Variants in WDFY2 observed in about 807,000 individuals in gnomAD.
WDFY2 encodes WD repeat and FYVE domain containing 2.
In WDFY2, 36 loss-of-function variants were observed where a neutral mutation model predicts 56.4. The ratio of observed to expected loss-of-function variants is 0.64; its 90% CI spans 0.49 to 0.84. The LOEUF (loss-of-function observed/expected upper bound fraction) is 0.84, where lower values mean the gene tolerates loss of function less well. WDFY2 is among the 40% of genes least tolerant of loss of function. The pLI is 0.00. For synonymous variants in WDFY2, 176 were observed against 183.7 expected (o/e 0.96, Z 0.34); for missense variants, 444 against 512.2 (o/e 0.87, Z 1.29).
intron 3 of WDFY2, among the ~76,000 whole-genome samples, chr13:51,684,399 C>G (rs1378795002): frequency 6.6e-6 from 1 of 150,744 alleles, no homozygotes; most frequent in Non-Finnish European, 1.5e-5. Context: ...TTAGTAAACC[C>G]TGAGTTACCT....
chr13:51,740,606 C>T (rs1004269252), intron 7 of WDFY2, among the ~76,000 whole-genome samples: 1 of 151,176 alleles, frequency 6.6e-6, no homozygotes, highest in Non-Finnish European at 1.5e-5. Context: ...CCCAGCTACT[C>T]GGGAGGCTGA....
intron 1 of WDFY2, among the ~76,000 whole-genome samples, chr13:51,605,317 G>A (rs1399748928): frequency 6.6e-6 from 1 of 152,176 alleles, no homozygotes; most frequent in African/African-American, 2.4e-5. Context: ...CAGTTAGCAC[G>A]CAACACCCCA....
At chr13:51,592,737 AATT>A (rs1163107043) in intron 1 of WDFY2, among the ~76,000 whole-genome samples, 1 of 152,208 alleles carries the variant, frequency 6.6e-6, no homozygotes, top group Admixed American at 6.5e-5. Context: ...TTGGTTATTA[AATT>A]ATTATCTCTT....
chr13:51,654,352 G>T (rs9568647), intron 1 of WDFY2, among the ~76,000 whole-genome samples: 14,024 of 152,170 alleles, frequency 0.092, 954 homozygotes, highest in East Asian at 0.29. Context: ...TGTGCTTCCC[G>T]GGTGAGGTGA....
intron 1 of WDFY2, among the ~76,000 whole-genome samples, chr13:51,616,400 G>T (rs1954614547): frequency 6.6e-6 from 1 of 152,154 alleles, no homozygotes; most frequent in South Asian, 2.1e-4. Context: ...TATTGGAAAA[G>T]AAATGCTGTC....
chr13:51,647,386 G>A (rs1955282111), intron 1 of WDFY2, among the ~76,000 whole-genome samples: 1 of 152,182 alleles, frequency 6.6e-6, no homozygotes, highest in African/African-American at 2.4e-5. Flanking sequence ...ACTGAATAAT[G>A]TAGGCAACTG....
In WDFY2 at chr13:51,692,674, G is replaced by C. The variant is rs1951768574; in HGVS notation, c.280-10922G>C. ...AATTCTCTTTTTTGGTTGTATCTCT[G>C]CCTGGCTTTGGTATCAGGATGATGC... On this transcript the variant is annotated intron_variant, in intron 3 of 11. Transcript: ENST00000298125. Among the ~76,000 whole-genome samples, 6 of 151,962 alleles carry C rather than the reference G, an allele frequency of 3.9e-5. No homozygotes were observed. The South Asian group carries it at 1.0e-3, about 26-fold the overall frequency.
chr13:51,719,232 C>G lies in WDFY2; in HGVS notation c.369C>G (p.Val123=), dbSNP rs1483426949. The G allele has an allele frequency of 6.2e-7, 1 of 1,614,126 alleles. No homozygotes were observed. The highest frequency in any genetic ancestry group is 1.1e-5 in the South Asian group (1 of 91,078). Residue 123 remains valine, a synonymous_variant, in exon 5 of 12, where the codon GTC becomes GTG. Coordinates refer to ENST00000298125, the MANE Select transcript of WDFY2 (RefSeq NM_052950.4). ...GCAGAGTGACGATGATCCTGTTTGT[C>G]CTGGAGCTGGAGTGGGTGCTGAGCA... ...HQSRVTMILF[V]LELEWVLSTG...
chr13:51,634,785 G>T (rs1343120386), intron 1 of WDFY2, among the ~76,000 whole-genome samples: 3 of 151,778 alleles, frequency 2.0e-5, no homozygotes, highest in Non-Finnish European at 4.4e-5. Context: ...GGACTTTTTT[G>T]TGAAGACATT....
rs1029943526 is a variant in WDFY2, at chr13:51,695,401, G to T, written c.280-8195G>T. ...CTGTTTGTTAGTTTTCCTTGTAACAGACAGGACCCTCAGCTGTATGTCTGT... is the reference window on the plus strand; with the variant it reads ...CTGTTTGTTAGTTTTCCTTGTAACATACAGGACCCTCAGCTGTATGTCTGT... On this transcript the variant is annotated intron_variant, in intron 3 of 11. Coordinates refer to ENST00000298125, the MANE Select transcript of WDFY2 (RefSeq NM_052950.4). 2.0e-5 allele frequency among the ~76,000 whole-genome samples: 3 copies of T among 152,356 alleles called. No individual in the cohort carries two copies. The East Asian group carries it at 5.8e-4, about 29-fold the overall frequency.
intron 3 of WDFY2, among the ~76,000 whole-genome samples, chr13:51,690,385 C>G (rs538456832): frequency 1.6e-3 from 222 of 137,676 alleles, no homozygotes; most frequent in Non-Finnish European, 2.6e-3. Flanking sequence ...GTGATATTCC[C>G]CTTCCTGTGT....
chr13:51,659,961 C>T (rs1593950454), intron 1 of WDFY2, among the ~76,000 whole-genome samples: 1 of 152,122 alleles, frequency 6.6e-6, no homozygotes, highest in Admixed American at 6.5e-5. Context: ...TGCTTCTAGC[C>T]GTCAAGGGCA....
chr13:51,730,113 C>G (rs1475278540), intron 6 of WDFY2, among the ~76,000 whole-genome samples: 1 of 152,184 alleles, frequency 6.6e-6, no homozygotes, highest in Non-Finnish European at 1.5e-5. Flanking sequence ...TTATTTCACT[C>G]AGCATAATGC....
At chr13:51,610,897 G>A (rs1246012918) in intron 1 of WDFY2, among the ~76,000 whole-genome samples, 1 of 152,192 alleles carries the variant, frequency 6.6e-6, no homozygotes, top group East Asian at 1.9e-4. Context: ...AGAAACAGAG[G>A]AATTTGAGTA....
intron 6 of WDFY2, among the ~76,000 whole-genome samples, chr13:51,736,382 G>T (rs12872555): frequency 0.011 from 1,660 of 152,298 alleles, 17 homozygotes; most frequent in Non-Finnish European, 0.018. Context: ...TCCAGAGCCT[G>T]TACACTTATA....
intron 4 of WDFY2, among the ~76,000 whole-genome samples, chr13:51,715,070 G>A (rs1250856146): frequency 6.6e-6 from 1 of 152,242 alleles, no homozygotes; most frequent in Non-Finnish European, 1.5e-5. Flanking sequence ...CATGAATGGA[G>A]CTTGCAGAAC....
chr13:51,692,531 C>T (rs545582651), intron 3 of WDFY2, among the ~76,000 whole-genome samples: 1 of 152,198 alleles, frequency 6.6e-6, no homozygotes, highest in South Asian at 2.1e-4. Flanking sequence ...GCCTTGCATC[C>T]CAGGGATGAA....
chr13:51,677,028 CT>C (rs1392948579), intron 3 of WDFY2, among the ~76,000 whole-genome samples: 3 of 152,124 alleles, frequency 2.0e-5, no homozygotes, highest in African/African-American at 7.2e-5. Context: ...TTAATGGATA[CT>C]GATAAATTTG....
At chr13:51,680,763 C>G (rs1180711133) in intron 3 of WDFY2, among the ~76,000 whole-genome samples, 1 of 152,170 alleles carries the variant, frequency 6.6e-6, no homozygotes, top group Non-Finnish European at 1.5e-5. Flanking sequence ...TAATGCCACT[C>G]TCCTCTAGAC....
Sources: gnomAD v4.1 joint callset for allele counts (sites outside exome capture counted in the v4.1 genomes callset) on GRCh38, gnomAD v4.1.1 for gene constraint, MANE v1.5 for transcripts, NCBI Gene and HGNC (gene_info 2026-07-23, HGNC 2026-07-21) for gene names.